Variants in MIAT observed in about 807,000 individuals in gnomAD.
MIAT encodes the protein myocardial infarction associated transcript, also known as MI related novel mRNA.
chr22:26,649,559 G>A (rs1602353082), intron 2 of MIAT, among the ~76,000 whole-genome samples: 1 of 152,212 alleles, frequency 6.6e-6, no homozygotes, highest in African/African-American at 2.4e-5. Context: ...TCTGTGCAAG[G>A]GGCAGCCTGG....
chr22:26,665,672 T>C (rs1930820792), exon 4 of MIAT: 3 of 398,560 alleles, frequency 7.5e-6, no homozygotes, highest in Non-Finnish European at 1.3e-5. Flanking sequence ...CCTCTTCTGG[T>C]CTGTGCAGGA....
downstream of MIAT, chr22:26,673,532 C>A (rs1931142754): frequency 2.5e-6 from 1 of 398,716 alleles, no homozygotes; most frequent in Non-Finnish European, 4.4e-6. Flanking sequence ...TGGTCTGTTC[C>A]TTTCAGCAGA....
downstream of MIAT, chr22:26,671,807 G>A: frequency 2.5e-6 from 1 of 398,250 alleles, no homozygotes. Flanking sequence ...TCAATATAAG[G>A]GTCTCAGCAC....
exon 6 of MIAT, chr22:26,668,468 T>C: frequency 2.5e-6 from 1 of 398,890 alleles, no homozygotes; most frequent in Non-Finnish European, 4.4e-6. Flanking sequence ...TGCTGGGCCC[T>C]ATTGTCTGGG....
intron 2 of MIAT, chr22:26,650,423 C>T (rs1483311844): frequency 2.6e-5 from 4 of 152,210 alleles, no homozygotes; most frequent in Non-Finnish European, 5.9e-5. Flanking sequence ...TTTAATGTAC[C>T]TATTCCAGAT....
chr22:26,670,915 G>A (rs1206689605), downstream of MIAT: 4 of 398,224 alleles, frequency 1.0e-5, no homozygotes, highest in Admixed American at 4.4e-5. Flanking sequence ...CCGGGTGGGC[G>A]TGGGGGAGTC....
At chr22:26,659,369 C>CT (rs1351337932) in intron 2 of MIAT, among the ~76,000 whole-genome samples, 1 of 152,170 alleles carries the variant, frequency 6.6e-6, no homozygotes, top group Non-Finnish European at 1.5e-5. Context: ...CCATGCCCGC[C>CT]TATTTTACTA....
At chr22:26,673,878 C>A (rs145564422), downstream of MIAT, 1 of 398,656 alleles carries the variant, frequency 2.5e-6, no homozygotes, top group Non-Finnish European at 4.4e-6. Flanking sequence ...GCCAGTCTTG[C>A]AAGGTTTTGG....
At chr22:26,671,482 C>G (rs143957038), downstream of MIAT, 237 of 398,860 alleles carry the variant, frequency 5.9e-4, 2 homozygotes, top group East Asian at 8.4e-3. Context: ...TTCTGCCAAC[C>G]AACTAACCCA....
chr22:26,651,800 A>T (rs1397101335), intron 2 of MIAT, among the ~76,000 whole-genome samples: 1 of 152,256 alleles, frequency 6.6e-6, no homozygotes, highest in Non-Finnish European at 1.5e-5. Context: ...AAAAGGTCAC[A>T]TATGACAATG....
chr22:26,649,120 G>A (rs563814578), intron 2 of MIAT, among the ~76,000 whole-genome samples: 74 of 152,310 alleles, frequency 4.9e-4, no homozygotes, highest in Middle Eastern at 3.4e-3. Flanking sequence ...ATGTGACAGG[G>A]CCATGTGTTT....
downstream of MIAT, chr22:26,674,415 C>T (rs554306012): frequency 5.0e-6 from 2 of 398,834 alleles, no homozygotes; most frequent in South Asian, 2.5e-4. Flanking sequence ...TAGTCAGAGT[C>T]TGCAGGAGAA....
downstream of MIAT, chr22:26,672,758 C>A (rs911366389): frequency 1.0e-5 from 4 of 398,784 alleles, no homozygotes; most frequent in Non-Finnish European, 1.3e-5. Flanking sequence ...GAAAGCGGAG[C>A]CTTTCTTACA....
chr22:26,666,783 C>G, exon 4 of MIAT: 1 of 398,784 alleles, frequency 2.5e-6, no homozygotes, highest in Non-Finnish European at 4.4e-6. Context: ...GCAGGGAGTT[C>G]TGGCAAGGCC....
chr22:26,672,320 T>A (rs1931079409), downstream of MIAT: 1 of 399,176 alleles, frequency 2.5e-6, no homozygotes. Flanking sequence ...TAGACAGATG[T>A]CCCACTTTGC....
intron 5 of MIAT, chr22:26,667,359 T>TGTGTGTGTGTGTGTGC (rs1330930699): frequency 2.5e-6 from 1 of 395,592 alleles, no homozygotes; most frequent in African/African-American, 2.1e-5. Flanking sequence ...TGTGTGCGTG[T>TGTGTGTGTGTGTGTGC]GCACATGTGT....
exon 4 of MIAT, chr22:26,665,995 T>C (rs1930832574): frequency 2.5e-6 from 1 of 398,538 alleles, no homozygotes; most frequent in Non-Finnish European, 4.4e-6. Flanking sequence ...ATCATATTTA[T>C]AAACCTTGGA....
chr22:26,675,631 G>C, exon 5 of MIAT: 1 of 398,684 alleles, frequency 2.5e-6, no homozygotes, highest in Non-Finnish European at 4.4e-6. Context: ...GAGGACCAAG[G>C]TGAAAATAAA....
exon 5 of MIAT, chr22:26,675,362 T>C (rs940754423): frequency 5.0e-6 from 2 of 398,698 alleles, no homozygotes; most frequent in Admixed American, 4.4e-5. Flanking sequence ...CCAAGAAGTT[T>C]AGATTTTATC....
Sources: allele counts gnomAD v4.1 joint callset (sites outside exome capture counted in the v4.1 genomes callset), GRCh38; gene constraint gnomAD v4.1.1; transcripts MANE v1.5; gene names NCBI Gene and HGNC (gene_info 2026-07-23, HGNC 2026-07-21).